Variants in APTX observed in about 807,000 individuals in gnomAD.
APTX encodes the protein aprataxin, also known as forkhead-associated domain histidine triad-like protein.
Under a neutral mutation model 42.3 loss-of-function variants are expected in APTX, and 33 were observed. The observed-to-expected ratio is 0.78, with a 90% confidence interval of 0.59 to 1.04. APTX has a LOEUF of 1.04. Ranked by LOEUF, APTX falls within the 50% of genes least tolerant of loss-of-function variation. APTX has a pLI of 0.00. For synonymous variants in APTX, 130 were observed against 146.7 expected, an observed-to-expected ratio of 0.89 and a Z score of 0.82; for missense variants, 421 against 415.1, an observed-to-expected ratio of 1.01 and a Z score of -0.12.
At chr9:32,997,733 G>C (rs1835292869) in intron 1 of APTX, among the ~76,000 whole-genome samples, 1 of 152,200 alleles carries the variant, frequency 6.6e-6, no homozygotes, top group South Asian at 2.1e-4. Context: ...ATACAGGCAG[G>C]GTTCAGAACA....
At chr9:33,022,923 C>G (rs1367106378) in intron 1 of APTX, among the ~76,000 whole-genome samples, 1 of 152,224 alleles carries the variant, frequency 6.6e-6, no homozygotes. Flanking sequence ...CTCACTGCAG[C>G]CTTGACCTCC....
In APTX at chr9:32,988,076, C is replaced by T. The variant is rs1832629621; in HGVS notation, c.180+7G>A. The T allele has an allele frequency of 6.2e-7, 1 of 1,613,660 alleles. No homozygotes were observed. The highest frequency in any genetic ancestry group is 1.1e-5 in the South Asian group (1 of 91,064). ...AGTATAAAATTCCAAGTTATAAATA[C>T]ACCTACCTGCTTTACCTTGACATAT... On this transcript the variant is annotated splice_region_variant and intron_variant, in intron 3 of 7. Transcript: ENST00000379817.
intron 1 of APTX, among the ~76,000 whole-genome samples, chr9:33,020,496 A>G (rs1350822922): frequency 2.0e-5 from 3 of 152,244 alleles, no homozygotes; most frequent in Non-Finnish European, 1.5e-5. Flanking sequence ...CAACCTTCGC[A>G]TTAGCACCCA....
At chr9:33,001,481 C>T (rs1193309692) in intron 1 of APTX, 86 bp downstream of exon 1, 6 of 1,602,946 alleles carry the variant, frequency 3.7e-6, no homozygotes, top group African/African-American at 1.3e-5. Flanking sequence ...AGGCACATCA[C>T]TCAAGGGTAG....
chr9:32,977,738 T>C (rs1481812951), intron 6 of APTX, among the ~76,000 whole-genome samples: 2 of 151,760 alleles, frequency 1.3e-5, no homozygotes, highest in African/African-American at 4.8e-5. Context: ...AGCTGAGGCA[T>C]GAGACTAGCT....
rs1828332930 is a variant in APTX at position 32,972,663 on chromosome 9, CG to C, written c.*834del. 1 of 432,878 alleles carries C rather than the reference CG, an allele frequency of 2.3e-6. No individual in the cohort carries two copies. Among genetic ancestry groups the C allele is most frequent in the South Asian group, 1.7e-5 (1 of 60,580 alleles). 26.8% of individuals were successfully genotyped at this position (432,878 alleles called of 1,614,324 possible). On this transcript the variant is annotated 3_prime_UTR_variant, in exon 8 of 8. Transcript: ENST00000379817. Reference sequence around the variant, plus strand: ...AGGGAAAAAGAAAGTAGTGGCTCTACGCAACTTTTTCATTCACCAACCACCT... The same window carrying C: ...AGGGAAAAAGAAAGTAGTGGCTCTACCAACTTTTTCATTCACCAACCACCT...
chr9:32,983,625 G>GT (rs1201120372), intron 6 of APTX, among the ~76,000 whole-genome samples: 12 of 152,142 alleles, frequency 7.9e-5, no homozygotes, highest in Non-Finnish European at 1.6e-4. Context: ...TAAATAAAAT[G>GT]TGAGTGTTGG....
chr9:32,981,994 T>C (rs1333319739), intron 6 of APTX, among the ~76,000 whole-genome samples: 1 of 141,710 alleles, frequency 7.1e-6, no homozygotes, highest in South Asian at 2.3e-4. Context: ...ATTCATGAAT[T>C]AAAAAAAAAA....
At chr9:32,984,603 A>G in intron 6 of APTX, 28 bp downstream of exon 6, 2 of 1,606,082 alleles carry the variant, frequency 1.2e-6, no homozygotes, top group Non-Finnish European at 1.7e-6. Flanking sequence ...CAGAACCAGG[A>G]GCCAGCAGCA....
chr9:33,022,867 G>A (rs778794199), intron 1 of APTX, among the ~76,000 whole-genome samples: 30 of 152,064 alleles, frequency 2.0e-4, no homozygotes, highest in Non-Finnish European at 3.5e-4. Flanking sequence ...TTTTAGACAG[G>A]GTATTGCTCT....
At chr9:32,986,564 G>A (rs1177306412) in intron 4 of APTX, among the ~76,000 whole-genome samples, 1 of 150,924 alleles carries the variant, frequency 6.6e-6, no homozygotes, top group African/African-American at 2.4e-5. Context: ...GTACAATGGC[G>A]TGATCTCGGC....
rs1385494009 is a variant in APTX, at chr9:32,989,880, CA to C, written c.11del (p.Val4GlyfsTer5). 6.2e-7 allele frequency: 1 copy of C among 1,614,022 alleles called. No homozygotes were observed. The highest frequency in any genetic ancestry group is 1.7e-5 in the Admixed American group (1 of 60,006). Reference protein sequence around the residue: MMRVCWLVRQDSRH... With the variant: MMRXCWLVRQDSRH... ...GGCTGTCCTGTCTCACCAACCAGCA[CA>C]CCCGCATCATCACTCTAAGGGACAA... On this transcript the variant is annotated frameshift_variant, in exon 2 of 8. Coordinates refer to ENST00000379817, the MANE Select transcript of APTX (RefSeq NM_001195248.2). LOFTEE classifies it high-confidence loss of function.
At chr9:32,974,916 T>C (rs1391756567) in intron 6 of APTX, among the ~76,000 whole-genome samples, 7 of 152,074 alleles carry the variant, frequency 4.6e-5, no homozygotes, top group Admixed American at 3.3e-4. Context: ...AGAATTAACA[T>C]TGCCAAGAAA....
At chr9:32,985,174 T>C (rs1454131914) in intron 5 of APTX, among the ~76,000 whole-genome samples, 2 of 152,178 alleles carry the variant, frequency 1.3e-5, no homozygotes, top group Non-Finnish European at 2.9e-5. Context: ...AAAATCTCTG[T>C]AGACATAAAT....
chr9:33,022,682 G>A (rs1008131606), intron 1 of APTX, among the ~76,000 whole-genome samples: 4 of 152,158 alleles, frequency 2.6e-5, no homozygotes, highest in Non-Finnish European at 4.4e-5. Context: ...AGGCAGATTA[G>A]TTATTTATCC....
rs575989928 is a variant in APTX, at chr9:33,001,522, C to A, written c.-5+45G>T. On this transcript the variant is annotated intron_variant, in intron 1 of 7. Coordinates refer to ENST00000379817, the MANE Select transcript of APTX (RefSeq NM_001195248.2). ...GCCTCGGCCGAACGCTCACCCGCGG[C>A]ATTGAGCCCAGCCAGCAGAAGAGAT... 1.5e-5 allele frequency: 24 copies of A among 1,612,932 alleles called. No individual in the cohort carries two copies. The South Asian group carries it at 2.0e-4, about 13-fold the overall frequency.
intron 7 of APTX, 113 bp from the exon 8 acceptor site, chr9:32,973,765 G>A: frequency 1.5e-6 from 2 of 1,375,106 alleles, no homozygotes; most frequent in Non-Finnish European, 2.0e-6. Context: ...GCCAGGCCAG[G>A]TATTCTACAG....
At chr9:32,988,551 A>G (rs1832741761) in intron 2 of APTX, among the ~76,000 whole-genome samples, 1 of 151,998 alleles carries the variant, frequency 6.6e-6, no homozygotes, top group Non-Finnish European at 1.5e-5. Context: ...GTGGTGGCAC[A>G]TGCCTGTAGT....
chr9:33,003,957 G>A (rs1836937218), upstream of APTX, among the ~76,000 whole-genome samples: 1 of 152,128 alleles, frequency 6.6e-6, no homozygotes, highest in Admixed American at 6.6e-5. Context: ...GAACATGAGT[G>A]TATAAATATC....
Sources: allele counts gnomAD v4.1 joint callset (sites outside exome capture counted in the v4.1 genomes callset), GRCh38; gene constraint gnomAD v4.1.1; transcripts MANE v1.5; gene names NCBI Gene and HGNC (gene_info 2026-07-23, HGNC 2026-07-21).